Variants in BRWD1 observed in about 807,000 individuals in gnomAD.
BRWD1 encodes bromodomain and WD repeat domain containing 1.
Under a neutral mutation model 251.2 loss-of-function variants are expected in BRWD1, and 82 were observed. That is an observed-to-expected ratio of 0.33 (90% CI 0.27 to 0.39). BRWD1 has a LOEUF of 0.39. BRWD1 is among the 10% of genes least tolerant of loss of function. The probability of loss-of-function intolerance (pLI) is 1.00; values close to 1 mark genes in which losing one functional copy is unlikely to be tolerated. For synonymous variants in BRWD1, 918 were observed against 902.8 expected, an observed-to-expected ratio of 1.02 and a Z score of -0.30; for missense variants, 2,233 against 2,711.6, an observed-to-expected ratio of 0.82 and a Z score of 3.92.
chr21:39,274,526 C>G (rs1259132119), intron 12 of BRWD1, 54 bp from the exon 13 acceptor site: 2 of 1,365,980 alleles, frequency 1.5e-6, no homozygotes, highest in Non-Finnish European at 2.1e-6. Context: ...CCAACAAGGG[C>G]TACAATTAAA....
chr21:39,212,958 A>G (rs2032726680), intron 33 of BRWD1, among the ~76,000 whole-genome samples: 1 of 152,164 alleles, frequency 6.6e-6, no homozygotes, highest in South Asian at 2.1e-4. Flanking sequence ...TTACAGCTAT[A>G]AAAAGACGCT....
At chr21:39,185,295 T>TAAAAAAAAAAAAAAAAAAAAAAAAAAAA (rs10525862), downstream of BRWD1, 23 of 71,838 alleles carry the variant, frequency 3.2e-4, 3 homozygotes, top group Non-Finnish European at 5.3e-4. Flanking sequence ...CTGAAATTGC[T>TAAAAAAAAAAAAAAAAAAAAAAAAAAAA]AAAAAAAAAA....
intron 20 of BRWD1, among the ~76,000 whole-genome samples, chr21:39,248,366 C>T (rs548216161): frequency 1.4e-4 from 22 of 152,102 alleles, no homozygotes; most frequent in African/African-American, 5.1e-4. Context: ...AATTCCAGCA[C>T]TTTGGGAGGA....
chr21:39,187,229 C>T lies in BRWD1; in HGVS notation c.*9030G>A. ...TTCCTAATCCAGACATTTTCTGGTC[C>T]TGAGATCGTTTCTTTTAGATTACTC... On this transcript the variant is annotated 3_prime_UTR_variant, in exon 41 of 41. Coordinates refer to ENST00000342449, the MANE Select transcript of BRWD1 (RefSeq NM_033656.4). 6.2e-7 allele frequency: 1 copy of T among 1,613,630 alleles called. No homozygotes were observed. The highest frequency in any genetic ancestry group is 8.5e-7 in the Non-Finnish European group (1 of 1,179,860).
chr21:39,281,736 C>G (rs1034474488), intron 8 of BRWD1, among the ~76,000 whole-genome samples: 1 of 152,008 alleles, frequency 6.6e-6, no homozygotes, highest in Admixed American at 6.6e-5. Flanking sequence ...GGAGTGGTGG[C>G]GGATGCCCAT....
intron 4 of BRWD1, among the ~76,000 whole-genome samples, chr21:39,305,389 C>G (rs8131150): frequency 0.93 from 140,933 of 152,114 alleles, 65,643 homozygotes; most frequent in African/African-American, 0.97. Flanking sequence ...ATAACTTCTT[C>G]TTGTTGGGTG....
rs1219226309 is a variant in BRWD1 at position 39,193,790 on chromosome 21, GA to G, written c.*2468del. ...ATCCCTGGGCATTTTGCATAACGTA[GA>G]AAAAAAAGGCCAAACATGTTCTAGT... On this transcript the variant is annotated 3_prime_UTR_variant, in exon 41 of 41. Transcript: ENST00000342449. 3 of 984,720 alleles carry G rather than the reference GA, an allele frequency of 3.0e-6. No homozygotes were observed. The highest frequency in any genetic ancestry group is 1.8e-5 in the African/African-American group (1 of 57,130). The allele number at this position is 984,720 out of a possible 1,614,324, so 61.0% of individuals were successfully genotyped here.
At chr21:39,240,758 T>C (rs998627187) in intron 21 of BRWD1, among the ~76,000 whole-genome samples, 5 of 152,208 alleles carry the variant, frequency 3.3e-5, no homozygotes, top group East Asian at 1.9e-4. Context: ...GGACTATCTG[T>C]AGTATGCTGT....
intron 8 of BRWD1, among the ~76,000 whole-genome samples, chr21:39,289,088 C>T (rs1027503313): frequency 2.6e-5 from 4 of 152,176 alleles, no homozygotes; most frequent in African/African-American, 4.8e-5. Context: ...ATTTAATGTA[C>T]TTGCAAGTAA....
At position 39,196,466 on chromosome 21, in the gene BRWD1, A is replaced by G. The variant is rs745910547; in HGVS notation, c.6603T>C (p.Thr2201=). Residue 2201 remains threonine (T), a synonymous_variant, in exon 41 of 41, where the codon ACT becomes ACC. Coordinates refer to ENST00000342449, the MANE Select transcript of BRWD1 (RefSeq NM_033656.4). ...GKTFTANISK[T]VRRQRQSKRP... ...GTTTGCTTTGTCTTTGACGTCTCAC[A>G]GTTTTAGATATGTTAGCTGTAAAAG... 1.2e-6 allele frequency: 2 copies of G among 1,612,856 alleles called. No homozygotes were observed. Among genetic ancestry groups the G allele is most frequent in the African/African-American group, 1.3e-5 (1 of 74,784 alleles).
intron 11 of BRWD1, among the ~76,000 whole-genome samples, 186 bp downstream of exon 11, chr21:39,277,065 T>G (rs567259984): frequency 2.6e-4 from 40 of 152,296 alleles, no homozygotes; most frequent in African/African-American, 9.4e-4. Context: ...CAATGACTTA[T>G]CTCAGAAATG....
chr21:39,259,838 A>C (rs577827063), intron 17 of BRWD1, among the ~76,000 whole-genome samples: 4 of 152,074 alleles, frequency 2.6e-5, no homozygotes, highest in African/African-American at 4.8e-5. Context: ...ACTGTGTCTC[A>C]AAAAAATAAA....
At chr21:39,264,140 A>G (rs756202532) in intron 17 of BRWD1, among the ~76,000 whole-genome samples, 22 of 152,310 alleles carry the variant, frequency 1.4e-4, no homozygotes, top group Middle Eastern at 3.4e-3. Flanking sequence ...TTTAGAAGCT[A>G]TAAACGAACA....
At chr21:39,320,328 T>C (rs930792266) in intron 1 of BRWD1, among the ~76,000 whole-genome samples, 26 of 152,126 alleles carry the variant, frequency 1.7e-4, no homozygotes, top group African/African-American at 6.3e-4. Flanking sequence ...CCTTAAGGAG[T>C]TGGGCTTCCC....
In BRWD1 at chr21:39,194,160, C is replaced by T. The variant is rs2031694060; in HGVS notation, c.*2099G>A. 4 of 984,614 alleles carry T rather than the reference C, an allele frequency of 4.1e-6. No homozygotes were observed. The highest frequency in any genetic ancestry group is 3.6e-6 in the Non-Finnish European group (3 of 829,440). The allele number at this position is 984,614 out of a possible 1,614,324, so 61.0% of individuals were successfully genotyped here. On this transcript the variant is annotated 3_prime_UTR_variant, in exon 41 of 41. Coordinates refer to ENST00000342449, the MANE Select transcript of BRWD1 (RefSeq NM_033656.4). ...CAGTCAATGACCAATTAATGCAGTC[C>T]AAATAATCAGAATAGTTCTATTAAT...
intron 37 of BRWD1, among the ~76,000 whole-genome samples, chr21:39,205,443 C>A (rs2032341562): frequency 6.6e-6 from 1 of 152,118 alleles, no homozygotes; most frequent in Non-Finnish European, 1.5e-5. Flanking sequence ...TATCACTAGA[C>A]CCCAGCCTGG....
At chr21:39,317,102 A>G (rs928954554), upstream of BRWD1, 4 of 152,264 alleles carry the variant, frequency 2.6e-5, no homozygotes, top group Non-Finnish European at 5.9e-5. Context: ...CCATATGTCA[A>G]GAGACTCAGA....
intron 25 of BRWD1, among the ~76,000 whole-genome samples, chr21:39,231,908 G>A (rs2033630547): frequency 6.6e-6 from 1 of 152,080 alleles, no homozygotes; most frequent in African/African-American, 2.4e-5. Context: ...ATTTTTAAGA[G>A]TGATAATATA....
chr21:39,192,912 T>A lies in BRWD1; in HGVS notation c.*3347A>T, dbSNP rs896278350. On this transcript the variant is annotated 3_prime_UTR_variant, in exon 41 of 41. Coordinates refer to ENST00000342449, the MANE Select transcript of BRWD1 (RefSeq NM_033656.4). ...ATATCAAACAGGGAGGTTAGTAAAT[T>A]GTTTTCTGATTCTTCTACAAAAAAA... is the stretch of plus-strand genomic sequence containing the variant. 2 of 966,358 alleles carry A rather than the reference T, an allele frequency of 2.1e-6. No homozygotes were observed. Among genetic ancestry groups the A allele is most frequent in the African/African-American group, 3.9e-5 (2 of 51,078 alleles). The allele number at this position is 966,358 out of a possible 1,614,324, so 59.9% of individuals were successfully genotyped here. A position where few individuals can be genotyped will look rare whatever the true frequency, so the allele number is the denominator to read the frequency against.
Sources: gnomAD v4.1 joint callset for allele counts (sites outside exome capture counted in the v4.1 genomes callset) on GRCh38, gnomAD v4.1.1 for gene constraint, MANE v1.5 for transcripts, NCBI Gene and HGNC (gene_info 2026-07-23, HGNC 2026-07-21) for gene names.